Variants in DENND2C observed in about 807,000 individuals in gnomAD.
DENND2C encodes the protein DENN domain containing 2C.
In DENND2C, 72 loss-of-function variants were observed where a neutral mutation model predicts 112.4. The ratio of observed to expected loss-of-function variants is 0.64; its 90% CI spans 0.53 to 0.78. The LOEUF is 0.78. Among genes scored for constraint, DENND2C ranks in the 30% least tolerant of loss-of-function variants. DENND2C has a pLI of 0.00. For missense variants in DENND2C, 992 were observed against 1,113.8 expected (o/e 0.89, Z 1.56); for synonymous variants, 329 against 381.6 (o/e 0.86, Z 1.61).
chr1:114,614,232 GA>G (rs71090798), intron 8 of DENND2C, among the ~76,000 whole-genome samples: 28,564 of 114,240 alleles, frequency 0.25, 3,685 homozygotes, highest in East Asian at 0.45. Context: ...ACTCTGTCTT[GA>G]AAAAAAAAAA....
chr1:114,596,494 T>C (rs1452011742), intron 16 of DENND2C, among the ~76,000 whole-genome samples: 2 of 152,198 alleles, frequency 1.3e-5, no homozygotes, highest in Non-Finnish European at 2.9e-5. Context: ...TATCAAGGAA[T>C]TGTTGGATAT....
chr1:114,601,204 C>T (rs765749833), intron 13 of DENND2C, among the ~76,000 whole-genome samples: 12 of 152,134 alleles, frequency 7.9e-5, no homozygotes, highest in Non-Finnish European at 1.5e-4. Flanking sequence ...CCCTTTTCAT[C>T]TCACTAAGGG....
At chr1:114,649,129 A>G (rs1223556404) in intron 2 of DENND2C, among the ~76,000 whole-genome samples, 1 of 151,074 alleles carries the variant, frequency 6.6e-6, no homozygotes, top group Non-Finnish European at 1.5e-5. Flanking sequence ...TAATTTTTGT[A>G]TTTTTAGTAG....
chr1:114,645,893 T>C (rs1484634755), intron 2 of DENND2C, among the ~76,000 whole-genome samples: 1 of 152,166 alleles, frequency 6.6e-6, no homozygotes, highest in Non-Finnish European at 1.5e-5. Flanking sequence ...TCAAATTTTG[T>C]CTGCAAATCA....
At chr1:114,610,973 C>G in intron 9 of DENND2C, 100 bp downstream of exon 9, 1 of 1,381,842 alleles carries the variant, frequency 7.2e-7, no homozygotes, top group Admixed American at 1.9e-5. Flanking sequence ...CAAAATGGAA[C>G]TTCATGTGGG....
chr1:114,631,930 T>C (rs948773643), intron 3 of DENND2C, among the ~76,000 whole-genome samples: 2 of 152,064 alleles, frequency 1.3e-5, no homozygotes, highest in Non-Finnish European at 2.9e-5. Context: ...TGAACATAAG[T>C]AGAGTAATGG....
intron 17 of DENND2C, among the ~76,000 whole-genome samples, chr1:114,594,918 T>C (rs1655302221): frequency 6.6e-6 from 1 of 152,196 alleles, no homozygotes; most frequent in South Asian, 2.1e-4. Flanking sequence ...GAAACACTCT[T>C]CTTTTCACCC....
intron 7 of DENND2C, among the ~76,000 whole-genome samples, chr1:114,620,410 A>G (rs188063004): frequency 2.6e-5 from 4 of 152,372 alleles, no homozygotes; most frequent in African/African-American, 9.6e-5. Context: ...CTTGAGATCC[A>G]TAATACATAA....
rs768142168 is a variant in DENND2C at position 114,608,675 on chromosome 1, C to T, written c.1557+11G>A. 1.9e-6 allele frequency: 3 copies of T among 1,612,582 alleles called. No individual in the cohort carries two copies. Among genetic ancestry groups the T allele is most frequent in the South Asian group, 2.2e-5 (2 of 90,822 alleles). On this transcript the variant is annotated intron_variant, in intron 10 of 20. Coordinates refer to ENST00000393274, the MANE Select transcript of DENND2C (RefSeq NM_001256404.2). ...ACATTCCTGAATGCCTCTTGGCCTC[C>T]TTGTGCCTACCTTGCCAGGGAATTG...
intron 3 of DENND2C, among the ~76,000 whole-genome samples, chr1:114,643,876 G>A (rs1385438060): frequency 6.6e-6 from 1 of 152,066 alleles, no homozygotes; most frequent in Non-Finnish European, 1.5e-5. Context: ...AGAATTTTGA[G>A]GCATAAGCCA....
Position 114,585,381 on chromosome 1 carries a change from A to G in DENND2C, c.*219T>C. ...AAAGGCTGCTATAAAAAAAAAATGG[A>G]GACAGAGTAAAGATGGCATGGTGCC... On this transcript the variant is annotated 3_prime_UTR_variant, in exon 21 of 21. Transcript: ENST00000393274. 1 of 454,402 alleles carries G rather than the reference A, an allele frequency of 2.2e-6. No individual in the cohort carries two copies. The highest frequency in any genetic ancestry group is 4.0e-6 in the Non-Finnish European group (1 of 251,460). 28.1% of individuals were successfully genotyped at this position (454,402 alleles called of 1,614,324 possible).
At chr1:114,623,224 T>C in intron 5 of DENND2C, 125 bp from the exon 6 acceptor site, 2 of 885,340 alleles carry the variant, frequency 2.3e-6, no homozygotes, top group East Asian at 5.4e-5. Flanking sequence ...TGTAGGGATG[T>C]GGGTTTCCAG....
chr1:114,652,661 C>CTTTTT (rs55647145), intron 2 of DENND2C, among the ~76,000 whole-genome samples: 4 of 109,826 alleles, frequency 3.6e-5, no homozygotes, highest in East Asian at 3.1e-4. Flanking sequence ...CTTACATTTA[C>CTTTTT]TTTTTTTTTT....
At chr1:114,653,630 G>T (rs1024757682) in intron 2 of DENND2C, among the ~76,000 whole-genome samples, 1 of 152,056 alleles carries the variant, frequency 6.6e-6, no homozygotes, top group Non-Finnish European at 1.5e-5. Context: ...TTTTTATAAT[G>T]ATTAAACGTT....
intron 1 of DENND2C, among the ~76,000 whole-genome samples, chr1:114,657,246 A>AT (rs1470216436): frequency 6.6e-6 from 1 of 151,232 alleles, no homozygotes; most frequent in Non-Finnish European, 1.5e-5. Context: ...TTTCAAACTC[A>AT]TTTTTTTCTT....
intron 2 of DENND2C, among the ~76,000 whole-genome samples, chr1:114,651,276 TAC>T (rs57202953): frequency 9.2e-4 from 128 of 139,294 alleles, no homozygotes; most frequent in African/African-American, 2.5e-3. Context: ...TCCCTACACA[TAC>T]ACACACACAC....
intron 1 of DENND2C, among the ~76,000 whole-genome samples, chr1:114,656,850 C>T (rs1362182069): frequency 1.3e-5 from 2 of 152,144 alleles, no homozygotes; most frequent in African/African-American, 4.8e-5. Context: ...CTCCTGGGTT[C>T]AAGCAATTCT....
At chr1:114,594,724 A>G (rs1213448551) in intron 17 of DENND2C, 146 bp from the exon 18 acceptor site, 2 of 602,734 alleles carry the variant, frequency 3.3e-6, no homozygotes, top group Non-Finnish European at 2.9e-6. Flanking sequence ...CCTTCCCTAC[A>G]TGAAGAATCT....
At chr1:114,598,353 A>G (rs999079994) in intron 16 of DENND2C, among the ~76,000 whole-genome samples, 6 of 152,328 alleles carry the variant, frequency 3.9e-5, no homozygotes, top group Non-Finnish European at 7.4e-5. Flanking sequence ...ATGTTGAGAA[A>G]AAGAAGCCAG....
Sources: allele counts gnomAD v4.1 joint callset (sites outside exome capture counted in the v4.1 genomes callset), GRCh38; gene constraint gnomAD v4.1.1; transcripts MANE v1.5; gene names NCBI Gene and HGNC (gene_info 2026-07-23, HGNC 2026-07-21).